TIAM1: variants seen among roughly 807,000 people sequenced by gnomAD.
The protein encoded by TIAM1 is rho guanine nucleotide exchange factor TIAM1.
TIAM1 carries 65 observed loss-of-function variants against 163.5 expected under a neutral mutation model. That is an observed-to-expected ratio of 0.40 (90% CI 0.33 to 0.49). The LOEUF is 0.49. TIAM1 is among the 20% of genes least tolerant of loss of function. TIAM1 has a pLI of 0.77. For missense variants in TIAM1, 1,789 were observed against 2,044.7 expected (o/e 0.87, Z 2.41); for synonymous variants, 833 against 810.1 (o/e 1.03, Z -0.48).
intron 1 of TIAM1, among the ~76,000 whole-genome samples, chr21:31,508,763 G>A (rs796962878): frequency 5.3e-5 from 8 of 152,270 alleles, no homozygotes; most frequent in African/African-American, 1.9e-4. Flanking sequence ...TCTGTAGGGT[G>A]AGTGTGCCCT....
chr21:31,330,782 G>C (rs2075653656), intron 2 of TIAM1, among the ~76,000 whole-genome samples: 1 of 152,150 alleles, frequency 6.6e-6, no homozygotes, highest in Non-Finnish European at 1.5e-5. Flanking sequence ...TAGTGAGTTA[G>C]AGACAAAATA....
At chr21:31,134,022 C>T (rs958812967) in intron 23 of TIAM1, among the ~76,000 whole-genome samples, 2 of 152,044 alleles carry the variant, frequency 1.3e-5, no homozygotes, top group African/African-American at 4.8e-5. Flanking sequence ...GAGCCGAGAA[C>T]GCACCATTGC....
chr21:31,454,140 A>G (rs1441722504), intron 2 of TIAM1, among the ~76,000 whole-genome samples: 1 of 152,192 alleles, frequency 6.6e-6, no homozygotes, highest in Non-Finnish European at 1.5e-5. Flanking sequence ...ACTATTTGTT[A>G]TGTTGATTGT....
chr21:31,557,640 C>A (rs537768256), intron 1 of TIAM1, among the ~76,000 whole-genome samples: 1 of 152,184 alleles, frequency 6.6e-6, no homozygotes, highest in African/African-American at 2.4e-5. Flanking sequence ...CATGGGTAAC[C>A]CGATCCGGAC....
In TIAM1 at chr21:31,266,823, C is replaced by T. The variant is rs775935254; in HGVS notation, c.150G>A (p.Arg50=). The T allele has an allele frequency of 6.2e-6, 10 of 1,614,056 alleles. No individual in the cohort carries two copies. Among genetic ancestry groups the T allele is most frequent in the African/African-American group, 5.3e-5 (4 of 74,930 alleles). Residue 50 remains arginine (R), a synonymous_variant, in exon 4 of 28, where the codon AGG becomes AGA. Coordinates refer to ENST00000541036, the MANE Select transcript of TIAM1 (RefSeq NM_001353694.2). ...TGGATCGGGTGCTCACTTCGGAGTT[C>T]CTGTGGATCACCTTCCCCGAGGAAG... ...RHASSGKVIH[R]NSEVSTRSSS...
intron 16 of TIAM1, among the ~76,000 whole-genome samples, chr21:31,163,431 G>C (rs1488680419): frequency 6.6e-6 from 1 of 152,164 alleles, no homozygotes; most frequent in Non-Finnish European, 1.5e-5. Flanking sequence ...CATTTCCAAT[G>C]ATCTGCTTTT....
At chr21:31,413,479 C>G (rs959440087) in intron 2 of TIAM1, among the ~76,000 whole-genome samples, 1 of 151,784 alleles carries the variant, frequency 6.6e-6, no homozygotes, top group Non-Finnish European at 1.5e-5. Context: ...ACCGTGTTAG[C>G]CAGGATGGTC....
At chr21:31,355,663 T>G (rs1420299741) in intron 2 of TIAM1, among the ~76,000 whole-genome samples, 2 of 152,108 alleles carry the variant, frequency 1.3e-5, no homozygotes. Flanking sequence ...GCAATGCTCT[T>G]GCCTCCGCCT....
At chr21:31,216,002 A>T (rs2087186363) in intron 9 of TIAM1, among the ~76,000 whole-genome samples, 1 of 152,124 alleles carries the variant, frequency 6.6e-6, no homozygotes, top group African/African-American at 2.4e-5. Flanking sequence ...CTCTACTAAA[A>T]ATATAAAAAT....
chr21:31,417,054 C>T (rs1406385223), intron 2 of TIAM1, among the ~76,000 whole-genome samples: 1 of 152,168 alleles, frequency 6.6e-6, no homozygotes, highest in African/African-American at 2.4e-5. Flanking sequence ...CAGAGTTTCA[C>T]TCTTGTTGCC....
intron 2 of TIAM1, among the ~76,000 whole-genome samples, chr21:31,399,081 C>G (rs1359496100): frequency 6.6e-6 from 1 of 151,938 alleles, no homozygotes; most frequent in Non-Finnish European, 1.5e-5. Context: ...TAAAAAGAAA[C>G]AGCAAAGCCA....
At chr21:31,412,784 TAAAAAAAAAAA>T (rs77221722) in intron 2 of TIAM1, among the ~76,000 whole-genome samples, 3 of 103,538 alleles carry the variant, frequency 2.9e-5, no homozygotes, top group Non-Finnish European at 5.9e-5. Context: ...TGTCTCAGGT[TAAAAAAAAAAA>T]AAAAAAAAAA....
chr21:31,259,433 G>A (rs781170391), intron 4 of TIAM1, among the ~76,000 whole-genome samples: 4 of 151,598 alleles, frequency 2.6e-5, no homozygotes, highest in Non-Finnish European at 5.9e-5. Flanking sequence ...CAATGCACCC[G>A]ACCTAAGAAT....
intron 2 of TIAM1, among the ~76,000 whole-genome samples, chr21:31,436,895 T>C (rs916434818): frequency 6.6e-6 from 1 of 151,674 alleles, no homozygotes; most frequent in Non-Finnish European, 1.5e-5. Context: ...GAGGTGGAGG[T>C]TGCACTGAGC....
At chr21:31,177,815 T>A (rs1474571086) in intron 15 of TIAM1, among the ~76,000 whole-genome samples, 1 of 152,136 alleles carries the variant, frequency 6.6e-6, no homozygotes, top group Non-Finnish European at 1.5e-5. Context: ...TCTGACCACT[T>A]GAGTTTGTGA....
intron 27 of TIAM1, among the ~76,000 whole-genome samples, chr21:31,121,521 A>C (rs2082000144): frequency 1.3e-5 from 2 of 152,166 alleles, no homozygotes; most frequent in Admixed American, 6.5e-5. Context: ...ATCTTCAGTT[A>C]TTTCCCTGTC....
chr21:31,461,337 T>G (rs2045318265), intron 2 of TIAM1, among the ~76,000 whole-genome samples: 1 of 151,922 alleles, frequency 6.6e-6, no homozygotes, highest in Non-Finnish European at 1.5e-5. Context: ...TGCAAAAAAT[T>G]AGCTGGGCGT....
At chr21:31,551,866 G>A (rs923875533) in intron 1 of TIAM1, among the ~76,000 whole-genome samples, 33 of 152,226 alleles carry the variant, frequency 2.2e-4, no homozygotes, top group African/African-American at 7.5e-4. Flanking sequence ...ACTATTTAGA[G>A]ATATAAAGAT....
chr21:31,350,357 G>A (rs1569255315), intron 2 of TIAM1, among the ~76,000 whole-genome samples: 2 of 152,218 alleles, frequency 1.3e-5, no homozygotes, highest in East Asian at 3.9e-4. Flanking sequence ...ATTTTGGGGG[G>A]CCAAAACATA....
Sources: allele counts gnomAD v4.1 joint callset (sites outside exome capture counted in the v4.1 genomes callset), GRCh38; gene constraint gnomAD v4.1.1; transcripts MANE v1.5; gene names NCBI Gene and HGNC (gene_info 2026-07-23, HGNC 2026-07-21).